Variants in PIK3C2A observed in about 807,000 individuals in gnomAD.
The protein encoded by PIK3C2A is phosphatidylinositol-4-phosphate 3-kinase catalytic subunit type 2 alpha.
In PIK3C2A, 97 loss-of-function variants were observed where a neutral mutation model predicts 204.5. That is an observed-to-expected ratio of 0.47 (90% CI 0.40 to 0.56). The LOEUF (loss-of-function observed/expected upper bound fraction) is 0.56, where lower values mean the gene tolerates loss of function less well. Ranked by LOEUF, PIK3C2A falls within the 20% of genes least tolerant of loss-of-function variation. The pLI is 0.00. For missense variants in PIK3C2A, 1,735 were observed against 1,969.2 expected, an observed-to-expected ratio of 0.88 and a Z score of 2.25; for synonymous variants, 653 against 664.4, an observed-to-expected ratio of 0.98 and a Z score of 0.26.
At chr11:17,138,127 A>C (rs1849935751) in intron 8 of PIK3C2A, 1 of 766,600 alleles carries the variant, frequency 1.3e-6, no homozygotes. Context: ...TTTGTTTTGG[A>C]CAATCTCATA....
rs761405315 is a variant in PIK3C2A, at chr11:17,169,338, G to A, written c.404C>T (p.Pro135Leu). 1 of 1,614,002 alleles carries A rather than the reference G, an allele frequency of 6.2e-7. No individual in the cohort carries two copies. The highest frequency in any genetic ancestry group is 8.5e-7 in the Non-Finnish European group (1 of 1,179,972). Reference protein sequence around the residue: ...PSFSAQLYFRPTIQRGQWPPG... With the variant: ...PSFSAQLYFRLTIQRGQWPPG... ...TGGCCACTGTCCTCTCTGAATAGTA[G>A]GTCTAAAATAGAGCTGTGCTGAAAA... The change falls in exon 2 of 33, where the codon CCT becomes CTT. Residue 135 changes from proline (P) to leucine (L), a missense_variant. By Grantham distance (98) the Pro-to-Leu change is moderately conservative. Coordinates refer to ENST00000691414, the MANE Select transcript of PIK3C2A (RefSeq NM_002645.4).
chr11:17,122,202 T>C lies in PIK3C2A; in HGVS notation c.2643A>G (p.Lys881=). The change falls in exon 15 of 33, where the codon AAA becomes AAG. Residue 881 remains lysine (K), a synonymous_variant. Coordinates refer to ENST00000691414, the MANE Select transcript of PIK3C2A (RefSeq NM_002645.4). ...ACAGAACATACCCAAGTGATGAGTC[T>C]TTATGAAGAATATCAAGAAGTTTCC... ...IKGKLLDILH[K]DSSLGLSKED... 1 of 1,585,880 alleles carries C rather than the reference T, an allele frequency of 6.3e-7. No individual in the cohort carries two copies. Among genetic ancestry groups the C allele is most frequent in the Non-Finnish European group, 8.6e-7 (1 of 1,157,058 alleles).
At chr11:17,139,559 G>A (rs571581903) in intron 8 of PIK3C2A, among the ~76,000 whole-genome samples, 7 of 152,200 alleles carry the variant, frequency 4.6e-5, no homozygotes, top group African/African-American at 1.2e-4. Context: ...TACAATTTCC[G>A]TCTCCTGGCT....
At chr11:17,098,050 G>T (rs944381082) in intron 26 of PIK3C2A, among the ~76,000 whole-genome samples, 1 of 152,214 alleles carries the variant, frequency 6.6e-6, no homozygotes, top group Non-Finnish European at 1.5e-5. Flanking sequence ...GGAAAAAGAA[G>T]TTTTGACAGG....
intron 13 of PIK3C2A, among the ~76,000 whole-genome samples, chr11:17,125,419 T>C (rs946713481): frequency 2.6e-5 from 4 of 152,328 alleles, no homozygotes; most frequent in Admixed American, 2.0e-4. Context: ...ACTGCCAAGA[T>C]TGAGAAACCC....
intron 13 of PIK3C2A, among the ~76,000 whole-genome samples, chr11:17,125,797 G>T (rs1849503480): frequency 6.6e-6 from 1 of 152,080 alleles, no homozygotes; most frequent in Non-Finnish European, 1.5e-5. Flanking sequence ...ACCATAACGG[G>T]CTAGCTAAAG....
intron 1 of PIK3C2A, among the ~76,000 whole-genome samples, chr11:17,190,399 C>G (rs544132182): frequency 6.6e-6 from 1 of 151,828 alleles, no homozygotes. Flanking sequence ...TGGTGCAACA[C>G]CATCTCTATT....
chr11:17,117,346 T>C, intron 19 of PIK3C2A, 145 bp downstream of exon 19: 2 of 482,940 alleles, frequency 4.1e-6, no homozygotes, highest in Non-Finnish European at 7.4e-6. Context: ...AAACAATCTT[T>C]GAATTTATCT....
intron 21 of PIK3C2A, among the ~76,000 whole-genome samples, chr11:17,110,880 A>G (rs1848980687): frequency 6.6e-6 from 1 of 152,142 alleles, no homozygotes. Context: ...GTTTTATGGT[A>G]TGTGAATTAT....
In PIK3C2A at chr11:17,117,172, T is replaced by C. The variant is rs373948760; in HGVS notation, c.3216+319A>G. On this transcript the variant is annotated intron_variant, in intron 19 of 32. Transcript: ENST00000691414. Reference sequence around the variant, plus strand: ...TGGCTGGGAGGGGAAAATGGGGACATGCTTTCTTTTTGGTGTGATGAAAAT... The same window carrying C: ...TGGCTGGGAGGGGAAAATGGGGACACGCTTTCTTTTTGGTGTGATGAAAAT... 1.4e-4 allele frequency among the ~76,000 whole-genome samples: 22 copies of C among 152,286 alleles called. No homozygotes were observed. In the East Asian group the frequency reaches 2.5e-3, roughly 17 times the overall value.
At chr11:17,182,443 T>C (rs572983792) in intron 1 of PIK3C2A, among the ~76,000 whole-genome samples, 8 of 152,054 alleles carry the variant, frequency 5.3e-5, no homozygotes, top group African/African-American at 1.9e-4. Context: ...GGCGCATGCC[T>C]GTAGTCCCAG....
chr11:17,143,588 T>C (rs1850133599), intron 8 of PIK3C2A, among the ~76,000 whole-genome samples: 1 of 150,750 alleles, frequency 6.6e-6, no homozygotes, highest in South Asian at 2.1e-4. Context: ...ACTCTAGTGT[T>C]GGAGCACAAA....
intron 19 of PIK3C2A, among the ~76,000 whole-genome samples, chr11:17,116,746 T>C (rs1054865491): frequency 2.0e-5 from 3 of 152,026 alleles, no homozygotes; most frequent in African/African-American, 4.8e-5. Flanking sequence ...CCCGCCACCA[T>C]GCCTGGCTAA....
In PIK3C2A at chr11:17,117,657, G is replaced by T; in HGVS notation, c.3050C>A (p.Ala1017Asp). ...GGTACTAAACTGTACATCATGCAGG[G>T]CATCTTTGAGAAGCCTAATACAGCA... Reference protein sequence around the residue: ...AHNLYWLLKDALHDVQFSTRY... With the variant: ...AHNLYWLLKDDLHDVQFSTRY... Residue 1017 changes from alanine (A) to aspartate (D), a missense_variant, in exon 19 of 33, where the codon GCC (alanine) becomes GAC (aspartate). Ala to Asp is a moderately radical substitution (Grantham distance 126). This residue lies in a region of PIK3C2A where 567 missense variants were observed against 576.0 expected (regional missense o/e 0.98). Coordinates refer to ENST00000691414, the MANE Select transcript of PIK3C2A (RefSeq NM_002645.4). 6.3e-7 allele frequency: 1 copy of T among 1,598,654 alleles called. No homozygotes were observed. The highest frequency in any genetic ancestry group is 8.5e-7 in the Non-Finnish European group (1 of 1,170,366).
At chr11:17,125,481 T>C (rs1370771430) in intron 13 of PIK3C2A, among the ~76,000 whole-genome samples, 2 of 152,090 alleles carry the variant, frequency 1.3e-5, no homozygotes, top group East Asian at 3.9e-4. Context: ...ATATTCTAAT[T>C]CTATCATTCC....
chr11:17,117,628 A>AT lies in PIK3C2A; in HGVS notation c.3078dup (p.Tyr1027IlefsTer17). ...AGGAGAGCACCCAAAACATGTTCGT[A>AT]TCGGGTACTAAACTGTACATCATGC... On this transcript the variant is annotated frameshift_variant, in exon 19 of 33. Transcript: ENST00000691414. LOFTEE classifies it high-confidence loss of function. 6.2e-7 allele frequency: 1 copy of AT among 1,608,246 alleles called. No homozygotes were observed. The highest frequency in any genetic ancestry group is 1.7e-4 in the Middle Eastern group (1 of 6,034).
At chr11:17,131,280 A>G (rs1226569082) in intron 12 of PIK3C2A, among the ~76,000 whole-genome samples, 1 of 152,206 alleles carries the variant, frequency 6.6e-6, no homozygotes, top group Non-Finnish European at 1.5e-5. Flanking sequence ...TACTGAAGCA[A>G]GCAATGCTAT....
chr11:17,148,557 A>G, intron 5 of PIK3C2A, 110 bp downstream of exon 5: 1 of 857,622 alleles, frequency 1.2e-6, no homozygotes, highest in Non-Finnish European at 1.8e-6. Context: ...AAATCAATTC[A>G]ATAGGATCCA....
intron 32 of PIK3C2A, 89 bp downstream of exon 32, chr11:17,091,245 G>T: frequency 8.6e-7 from 1 of 1,167,362 alleles, no homozygotes; most frequent in Non-Finnish European, 1.2e-6. Context: ...TAACAAACTT[G>T]CACATCCTGC....
Sources: allele counts gnomAD v4.1 joint callset (sites outside exome capture counted in the v4.1 genomes callset), GRCh38; gene constraint gnomAD v4.1.1; regional missense constraint gnomAD v4.1.1; transcripts MANE v1.5; gene names NCBI Gene and HGNC (gene_info 2026-07-23, HGNC 2026-07-21).